The following QTMAN variants were observed in gnomAD, a reference collection of about 807,000 sequenced individuals.
The protein encoded by QTMAN is tRNA-queuosine alpha-mannosyltransferase.
the QTMAN span, among the ~76,000 whole-genome samples, chr2:144,281,995 G>A: frequency 6.6e-6 from 1 of 152,130 alleles, no homozygotes; most frequent in Non-Finnish European, 1.5e-5. Context: ...GAATCACCCG[G>A]AAGGCTTGTT....
chr2:144,197,765 T>C, the QTMAN span, among the ~76,000 whole-genome samples: 1 of 152,184 alleles, frequency 6.6e-6, no homozygotes, highest in Non-Finnish European at 1.5e-5. Flanking sequence ...TCACTATTTT[T>C]CTATTAGATA....
At chr2:144,037,991 T>C in the QTMAN span, among the ~76,000 whole-genome samples, 5 of 152,246 alleles carry the variant, frequency 3.3e-5, no homozygotes, top group Admixed American at 6.5e-5. Flanking sequence ...CTGCCACTTA[T>C]TGTGTGACTT....
chr2:143,947,810 T>C, the QTMAN span, among the ~76,000 whole-genome samples: 17 of 152,096 alleles, frequency 1.1e-4, no homozygotes, highest in Non-Finnish European at 1.6e-4. Context: ...CCTTTTATTT[T>C]ATTTAGACAA....
At chr2:144,260,891 AAAG>A in the QTMAN span, among the ~76,000 whole-genome samples, 4 of 152,112 alleles carry the variant, frequency 2.6e-5, no homozygotes, top group Non-Finnish European at 4.4e-5. Flanking sequence ...TTTAAAAAAA[AAAG>A]AAAAAGGAGG....
chr2:144,000,122 C>T, the QTMAN span, among the ~76,000 whole-genome samples: 1 of 151,994 alleles, frequency 6.6e-6, no homozygotes, highest in Non-Finnish European at 1.5e-5. Flanking sequence ...CTTTCTTTGG[C>T]CATGGATTTC....
the QTMAN span, among the ~76,000 whole-genome samples, chr2:144,237,890 G>A: frequency 1.3e-5 from 2 of 152,176 alleles, no homozygotes; most frequent in Admixed American, 6.5e-5. Context: ...ACGTTGTGAG[G>A]ACACTCAAGC....
the QTMAN span, among the ~76,000 whole-genome samples, chr2:143,983,724 C>T: frequency 1.2e-4 from 19 of 152,200 alleles, no homozygotes; most frequent in African/African-American, 4.1e-4. Context: ...CCGCCTGCCT[C>T]GGCCTCCCAA....
chr2:144,250,838 T>G, the QTMAN span, among the ~76,000 whole-genome samples: 1 of 151,998 alleles, frequency 6.6e-6, no homozygotes, highest in African/African-American at 2.4e-5. Flanking sequence ...ATGTGCTTAT[T>G]AGACACTGAC....
At chr2:144,289,029 C>CTTTTTTTTTTTTTT in the QTMAN span, among the ~76,000 whole-genome samples, 1 of 115,974 alleles carries the variant, frequency 8.6e-6, no homozygotes, top group African/African-American at 3.4e-5. Context: ...CAAGAAAATT[C>CTTTTTTTTTTTTTT]TTTTTTTTTT....
the QTMAN span, among the ~76,000 whole-genome samples, chr2:144,288,730 C>T: frequency 7.9e-5 from 12 of 152,166 alleles, no homozygotes; most frequent in African/African-American, 2.7e-4. Flanking sequence ...ACAGATCCCA[C>T]CACACCCTAC....
At chr2:144,315,718 T>C in the QTMAN span, among the ~76,000 whole-genome samples, 844 of 152,338 alleles carry the variant, frequency 5.5e-3, 4 homozygotes, top group African/African-American at 0.019. Context: ...GTCTTATTTG[T>C]TTGCCTATGA....
chr2:144,152,925 AAGGCAG>A, the QTMAN span, among the ~76,000 whole-genome samples: 1 of 152,188 alleles, frequency 6.6e-6, no homozygotes, highest in Non-Finnish European at 1.5e-5. Context: ...ATTACGAATG[AAGGCAG>A]AGGCACTAAG....
the QTMAN span, among the ~76,000 whole-genome samples, chr2:144,133,218 TATAA>T: frequency 1.5e-4 from 12 of 77,488 alleles, no homozygotes; most frequent in East Asian, 3.4e-4. Context: ...TATATACATA[TATAA>T]ATATATATTT....
the QTMAN span, among the ~76,000 whole-genome samples, chr2:144,107,901 C>G: frequency 1.3e-5 from 2 of 152,282 alleles, no homozygotes; most frequent in East Asian, 3.9e-4. Context: ...AAAGTCTTAT[C>G]CCCCATGATC....
chr2:144,234,503 C>T, the QTMAN span, among the ~76,000 whole-genome samples: 11 of 152,142 alleles, frequency 7.2e-5, no homozygotes, highest in Admixed American at 4.6e-4. Flanking sequence ...ATATTTTACA[C>T]TAAGCTCAGC....
At chr2:144,060,230 T>C in the QTMAN span, among the ~76,000 whole-genome samples, 1 of 152,072 alleles carries the variant, frequency 6.6e-6, no homozygotes, top group Admixed American at 6.5e-5. Flanking sequence ...ATCTATCCTA[T>C]GTAGGATAAC....
At chr2:144,145,584 TG>T in the QTMAN span, 1 of 1,607,904 alleles carries the variant, frequency 6.2e-7, no homozygotes, top group Non-Finnish European at 8.5e-7. Flanking sequence ...TGAAAGAATT[TG>T]GTTGTATCCA....
the QTMAN span, among the ~76,000 whole-genome samples, chr2:144,209,847 T>G: frequency 5.6e-4 from 86 of 152,314 alleles, no homozygotes; most frequent in African/African-American, 2.0e-3. Flanking sequence ...ATATCACTCA[T>G]TAAATAGCAT....
At chr2:143,948,848 C>G in the QTMAN span, among the ~76,000 whole-genome samples, 1 of 152,028 alleles carries the variant, frequency 6.6e-6, no homozygotes, top group Non-Finnish European at 1.5e-5. Flanking sequence ...AACTTGTGTT[C>G]AAGTTAGGCT....
Sources: gnomAD v4.1 joint callset for allele counts (sites outside exome capture counted in the v4.1 genomes callset) on GRCh38, gnomAD v4.1.1 for gene constraint, MANE v1.5 for transcripts, NCBI Gene and HGNC (gene_info 2026-07-23, HGNC 2026-07-21) for gene names.